Variants in CELF4 observed in about 807,000 individuals in gnomAD.
CELF4 encodes the protein CUG-BP- and ETR-3-like factor 4.
CELF4 carries 18 observed loss-of-function variants against 59.9 expected under a neutral mutation model. That is an observed-to-expected ratio of 0.30 (90% CI 0.21 to 0.45). The LOEUF is 0.45. CELF4 is among the 20% of genes least tolerant of loss of function. The pLI is 1.00. For synonymous variants in CELF4, 261 were observed against 267.1 expected, an observed-to-expected ratio of 0.98 and a Z score of 0.22; for missense variants, 456 against 689.0, an observed-to-expected ratio of 0.66 and a Z score of 3.79.
At chr18:37,477,524 G>A (rs531470691) in intron 2 of CELF4, among the ~76,000 whole-genome samples, 1 of 152,256 alleles carries the variant, frequency 6.6e-6, no homozygotes, top group East Asian at 1.9e-4. Flanking sequence ...TGACACCCTT[G>A]GCCAGCCTCT....
rs2062280548 is a variant in CELF4 at position 37,246,660 on chromosome 18, T to C, written c.*45-1463A>G. Among the ~76,000 whole-genome samples, 1 of 152,032 alleles carries C rather than the reference T, an allele frequency of 6.6e-6. No homozygotes were observed. The highest frequency in any genetic ancestry group is 2.4e-5 in the African/African-American group (1 of 41,404). ...TGGAAAAAGACCAGACCTAGGAAAG[T>C]GTCAATTGAAAAAGGCCCCCAAATT... On this transcript the variant is annotated intron_variant, in intron 12 of 12. Transcript: ENST00000420428. The surrounding 1 kb of genome is among the most constrained non-coding windows in gnomAD (Gnocchi z 5.3).
intron 1 of CELF4, among the ~76,000 whole-genome samples, chr18:37,526,665 C>T (rs920589614): frequency 6.6e-6 from 1 of 152,224 alleles, no homozygotes; most frequent in Non-Finnish European, 1.5e-5. Flanking sequence ...CAACCTGCCT[C>T]AGGATCATGT....
chr18:37,402,467 G>T (rs1476862306), intron 2 of CELF4, among the ~76,000 whole-genome samples: 3 of 152,110 alleles, frequency 2.0e-5, no homozygotes, highest in African/African-American at 4.8e-5. Flanking sequence ...ACCCCTTTGA[G>T]CCTGGGTGGA....
At chr18:37,437,474 T>G (rs796212963) in intron 2 of CELF4, among the ~76,000 whole-genome samples, 24 of 151,896 alleles carry the variant, frequency 1.6e-4, no homozygotes, top group African/African-American at 5.8e-4. Context: ...TTTGGTGGGG[T>G]TGGTTGTGGG....
chr18:37,347,219 A>G (rs1187816496), intron 2 of CELF4, among the ~76,000 whole-genome samples: 1 of 152,110 alleles, frequency 6.6e-6, no homozygotes, highest in Non-Finnish European at 1.5e-5. Context: ...GGGGAGCCCC[A>G]GAGCGTGGAG....
intron 2 of CELF4, among the ~76,000 whole-genome samples, chr18:37,441,344 G>T (rs1166644781): frequency 6.6e-6 from 1 of 151,744 alleles, no homozygotes; most frequent in African/African-American, 2.4e-5. Context: ...TGGGGAGCAG[G>T]CCTGTGGGGG....
intron 2 of CELF4, among the ~76,000 whole-genome samples, chr18:37,479,605 A>G (rs2099860682): frequency 6.6e-6 from 1 of 152,216 alleles, no homozygotes; most frequent in Non-Finnish European, 1.5e-5. Context: ...TCTCCCAAAG[A>G]GAAAGAAAAA....
At chr18:37,473,610 C>G (rs1176597300) in intron 2 of CELF4, 1 of 152,260 alleles carries the variant, frequency 6.6e-6, no homozygotes, top group Non-Finnish European at 1.5e-5. Context: ...CATGAAGAAG[C>G]TCCTCTTGTC....
intron 1 of CELF4, among the ~76,000 whole-genome samples, chr18:37,546,390 G>GCACACACA (rs138332587): frequency 1.7e-4 from 26 of 150,608 alleles, no homozygotes; most frequent in African/African-American, 5.6e-4. Flanking sequence ...ACATGTATGC[G>GCACACACA]CACACACACA....
chr18:37,427,673 G>A (rs1224847730), intron 2 of CELF4, among the ~76,000 whole-genome samples: 1 of 152,154 alleles, frequency 6.6e-6, no homozygotes, highest in Non-Finnish European at 1.5e-5. Context: ...GGCTTTCAAG[G>A]GCTTCCCTTC....
At chr18:37,377,456 A>G (rs987125868) in intron 2 of CELF4, among the ~76,000 whole-genome samples, 1 of 152,206 alleles carries the variant, frequency 6.6e-6, no homozygotes, top group East Asian at 1.9e-4. Flanking sequence ...GGACCCAGGC[A>G]TGGGATGCTT....
chr18:37,327,159 T>G (rs1464505020), intron 2 of CELF4, among the ~76,000 whole-genome samples: 2 of 152,106 alleles, frequency 1.3e-5, no homozygotes, highest in Non-Finnish European at 2.9e-5. Flanking sequence ...CCTGACTCCC[T>G]CCCAACCTCG....
chr18:37,315,331 G>C (rs548478057), intron 3 of CELF4, among the ~76,000 whole-genome samples: 1 of 152,090 alleles, frequency 6.6e-6, no homozygotes, highest in Non-Finnish European at 1.5e-5. Flanking sequence ...AGATGAGCAC[G>C]GGCAGGTGGC....
chr18:37,262,554 T>A (rs1475379740), intron 10 of CELF4, among the ~76,000 whole-genome samples: 1 of 152,066 alleles, frequency 6.6e-6, no homozygotes, highest in Non-Finnish European at 1.5e-5. Context: ...GTAGGGGCTG[T>A]CATGTGTGTT....
chr18:37,336,307 C>T (rs1410920484), intron 2 of CELF4, among the ~76,000 whole-genome samples: 1 of 152,200 alleles, frequency 6.6e-6, no homozygotes, highest in Non-Finnish European at 1.5e-5. Flanking sequence ...CCTCAGCCTC[C>T]CAAGTAGCTG....
intron 8 of CELF4, among the ~76,000 whole-genome samples, chr18:37,269,375 G>T (rs2090023845): frequency 6.6e-6 from 1 of 152,194 alleles, no homozygotes; most frequent in South Asian, 2.1e-4. Flanking sequence ...TTTCCCTCTA[G>T]TACAGTGACC....
At chr18:37,298,064 A>T (rs2095772524) in intron 3 of CELF4, among the ~76,000 whole-genome samples, 1 of 152,236 alleles carries the variant, frequency 6.6e-6, no homozygotes, top group African/African-American at 2.4e-5. Context: ...TGCTGGCCTC[A>T]GCTCCACGAA....
At chr18:37,470,869 T>TGACA (rs1569569536) in intron 2 of CELF4, among the ~76,000 whole-genome samples, 4 of 119,292 alleles carry the variant, frequency 3.4e-5, no homozygotes, top group Non-Finnish European at 7.0e-5. Flanking sequence ...TGTGTGTGTG[T>TGACA]GTGTGTGTGT....
chr18:37,437,418 G>A (rs915999930), intron 2 of CELF4, among the ~76,000 whole-genome samples: 1 of 152,184 alleles, frequency 6.6e-6, no homozygotes, highest in East Asian at 1.9e-4. Context: ...TCTCAGAAAT[G>A]GTTCTGGGGA....
Sources: gnomAD v4.1 joint callset for allele counts (sites outside exome capture counted in the v4.1 genomes callset) on GRCh38, gnomAD v4.1.1 for gene constraint, Gnocchi (gnomAD v3.1) non-coding constraint, MANE v1.5 for transcripts, NCBI Gene and HGNC (gene_info 2026-07-23, HGNC 2026-07-21) for gene names.